The following HS3ST4 variants were observed in gnomAD, a reference collection of about 807,000 sequenced individuals.
HS3ST4 encodes heparan sulfate glucosamine 3-O-sulfotransferase 4.
A neutral mutation model predicts 29.2 loss-of-function variants in HS3ST4; 17 were observed. The observed-to-expected ratio is 0.58, with a 90% CI of 0.40 to 0.87. HS3ST4 has a LOEUF of 0.87. Ranked by LOEUF, HS3ST4 falls within the 40% of genes least tolerant of loss-of-function variation. The pLI, the probability that HS3ST4 is intolerant of heterozygous loss-of-function variation, is 0.00. For missense variants in HS3ST4, 627 were observed against 634.5 expected (o/e 0.99, Z 0.13); for synonymous variants, 314 against 285.7 (o/e 1.10, Z -1.00).
At chr16:25,778,873 G>A (rs55780152) in intron 1 of HS3ST4, among the ~76,000 whole-genome samples, 11 of 152,194 alleles carry the variant, frequency 7.2e-5, no homozygotes, top group East Asian at 5.8e-4. Flanking sequence ...CTGGCCCTGC[G>A]GATTTTGGAC....
intron 1 of HS3ST4, among the ~76,000 whole-genome samples, chr16:25,737,964 G>A (rs1966622153): frequency 6.7e-6 from 1 of 149,576 alleles, no homozygotes; most frequent in African/African-American, 2.5e-5. Flanking sequence ...GTGTGCAGTG[G>A]AGCAATCTCG....
chr16:25,874,125 A>G (rs534417607), intron 1 of HS3ST4, among the ~76,000 whole-genome samples: 7 of 152,242 alleles, frequency 4.6e-5, no homozygotes, highest in Non-Finnish European at 1.0e-4. Flanking sequence ...CACTAAGGGC[A>G]TATTGTCTAA....
At chr16:25,842,159 A>G (rs1967421083) in intron 1 of HS3ST4, among the ~76,000 whole-genome samples, 1 of 152,232 alleles carries the variant, frequency 6.6e-6, no homozygotes, top group Non-Finnish European at 1.5e-5. Context: ...GAAGTGGCTC[A>G]GTTGAGGTTG....
chr16:26,030,637 A>C (rs1373413335), intron 1 of HS3ST4, among the ~76,000 whole-genome samples: 2 of 152,136 alleles, frequency 1.3e-5, no homozygotes, highest in African/African-American at 4.8e-5. Context: ...GGCTATACAT[A>C]CCTAGGCACC....
chr16:25,893,582 G>C (rs941721270), intron 1 of HS3ST4, among the ~76,000 whole-genome samples: 5 of 152,170 alleles, frequency 3.3e-5, no homozygotes, highest in African/African-American at 9.7e-5. Flanking sequence ...CCATTGGCCA[G>C]CTTTGAGCCA....
chr16:25,858,556 G>T (rs573404173), intron 1 of HS3ST4, among the ~76,000 whole-genome samples: 1 of 152,018 alleles, frequency 6.6e-6, no homozygotes, highest in African/African-American at 2.4e-5. Flanking sequence ...GATAAACTCC[G>T]AAGAGTGGGA....
intron 1 of HS3ST4, among the ~76,000 whole-genome samples, chr16:26,039,209 G>A (rs1359783709): frequency 6.6e-6 from 1 of 152,096 alleles, no homozygotes; most frequent in Non-Finnish European, 1.5e-5. Flanking sequence ...TATATAAGAA[G>A]TACATGAATA....
At chr16:25,827,543 A>C (rs1011899688) in intron 1 of HS3ST4, among the ~76,000 whole-genome samples, 2 of 150,668 alleles carry the variant, frequency 1.3e-5, no homozygotes, top group Non-Finnish European at 2.9e-5. Flanking sequence ...CAAAAAAAAA[A>C]AAAACAACAA....
intron 1 of HS3ST4, among the ~76,000 whole-genome samples, chr16:25,836,927 G>A (rs1967362349): frequency 6.6e-6 from 1 of 152,218 alleles, no homozygotes; most frequent in African/African-American, 2.4e-5. Context: ...TGGTTCATCA[G>A]TAACACTGGC....
chr16:26,091,598 G>C (rs1898858145), intron 1 of HS3ST4, among the ~76,000 whole-genome samples: 1 of 152,148 alleles, frequency 6.6e-6, no homozygotes, highest in Non-Finnish European at 1.5e-5. Flanking sequence ...TCTGGGCAAA[G>C]GGTAAACTGA....
intron 1 of HS3ST4, among the ~76,000 whole-genome samples, chr16:25,890,923 G>A (rs1968001451): frequency 6.6e-6 from 1 of 151,860 alleles, no homozygotes; most frequent in East Asian, 1.9e-4. Context: ...AGCCATGATT[G>A]GGTCATTTGA....
intron 1 of HS3ST4, among the ~76,000 whole-genome samples, chr16:26,075,274 T>C (rs1898648994): frequency 1.3e-5 from 2 of 152,174 alleles, no homozygotes; most frequent in Non-Finnish European, 1.5e-5. Context: ...TCCTGCAATA[T>C]GGGCTAGCCA....
intron 1 of HS3ST4, among the ~76,000 whole-genome samples, chr16:25,873,378 T>TCATCCATCCATCCATC (rs371356328): frequency 1.2e-4 from 12 of 96,864 alleles, no homozygotes; most frequent in Admixed American, 2.1e-4. Context: ...AGCCATCCAG[T>TCATCCATCCATCCATC]CATCCATCCA....
At chr16:25,904,137 TGGA>T (rs1968153237) in intron 1 of HS3ST4, among the ~76,000 whole-genome samples, 1 of 112,376 alleles carries the variant, frequency 8.9e-6, no homozygotes, top group African/African-American at 4.6e-5. Context: ...GATGGATGGA[TGGA>T]TGGATGGATG....
chr16:26,113,840 G>A (rs999695400), intron 1 of HS3ST4, among the ~76,000 whole-genome samples: 1 of 152,138 alleles, frequency 6.6e-6, no homozygotes, highest in Non-Finnish European at 1.5e-5. Flanking sequence ...CATGAAGATA[G>A]ATGCAATGGT....
rs376708850 is a variant in HS3ST4 at position 25,806,373 on chromosome 16, G to A, written c.734+113222G>A. On this transcript the variant is annotated intron_variant, in intron 1 of 1. Transcript: ENST00000331351. ...GGGGCAGGACATTAGTCCAATCCTCGTGCCTCCATTTTCCTCAAGTCCCCT... is the reference window on the plus strand; with the variant it reads ...GGGGCAGGACATTAGTCCAATCCTCATGCCTCCATTTTCCTCAAGTCCCCT... Among the ~76,000 whole-genome samples, 6 of 151,920 alleles carry A rather than the reference G, an allele frequency of 3.9e-5. No individual in the cohort carries two copies. In the East Asian group the frequency reaches 5.8e-4, roughly 15 times the overall value.
At chr16:25,693,636 T>A (rs992008351) in intron 1 of HS3ST4, among the ~76,000 whole-genome samples, 1 of 152,166 alleles carries the variant, frequency 6.6e-6, no homozygotes, top group Non-Finnish European at 1.5e-5. Flanking sequence ...TGTGTTAAGG[T>A]CAGAGCAAAA....
At chr16:25,790,928 A>G (rs1966867883) in intron 1 of HS3ST4, among the ~76,000 whole-genome samples, 1 of 152,064 alleles carries the variant, frequency 6.6e-6, no homozygotes, top group South Asian at 2.1e-4. Flanking sequence ...ATCTTTCTTT[A>G]TAGTAAGAGA....
At position 26,078,012 on chromosome 16, in the gene HS3ST4, G is replaced by A. The variant is rs144349578; in HGVS notation, c.735-57600G>A. On this transcript the variant is annotated intron_variant, in intron 1 of 1. Coordinates refer to ENST00000331351, the MANE Select transcript of HS3ST4 (RefSeq NM_006040.3). ...GCCCAGAAAGTTGAGGATGCAGTGA[G>A]CTATGATTGTGCCACTGCACTGCAG... 7.6e-3 allele frequency among the ~76,000 whole-genome samples: 1,152 copies of A among 152,310 alleles called. 16 individuals are homozygous for A. Among genetic ancestry groups the A allele is most frequent in the African/African-American group, 0.026 (1,083 of 41,560 alleles).
Sources: gnomAD v4.1 joint callset for allele counts (sites outside exome capture counted in the v4.1 genomes callset) on GRCh38, gnomAD v4.1.1 for gene constraint, MANE v1.5 for transcripts, NCBI Gene and HGNC (gene_info 2026-07-23, HGNC 2026-07-21) for gene names.